Variants in ANXA8 observed in about 807,000 individuals in gnomAD.
The protein encoded by ANXA8 is VAC-beta.
Under a neutral mutation model 26.8 loss-of-function variants are expected in ANXA8, and 9 were observed. The ratio of observed to expected loss-of-function variants is 0.34; its 90% confidence interval spans 0.20 to 0.59. ANXA8 has a LOEUF of 0.59. Ranked by LOEUF, ANXA8 falls within the 20% of genes least tolerant of loss-of-function variation. The pLI, the probability that ANXA8 is intolerant of heterozygous loss-of-function variation, is 0.84. For missense variants in ANXA8, 83 were observed against 238.5 expected (o/e 0.35, Z 4.29); for synonymous variants, 39 against 94.8 (o/e 0.41, Z 3.42).
At chr10:47,743,009 A>C in the ANXA8 span, among the ~76,000 whole-genome samples, 1 of 143,180 alleles carries the variant, frequency 7.0e-6, no homozygotes, top group Non-Finnish European at 1.5e-5. Flanking sequence ...AAAAAAAAAA[A>C]AAATACAAAA....
At chr10:47,468,940 G>C in intron 11 of ANXA8, 34 bp from the exon 12 acceptor site, 6 of 1,607,972 alleles carry the variant, frequency 3.7e-6, no homozygotes, top group Non-Finnish European at 5.1e-6. Context: ...GTGAGAAGGG[G>C]TTTGCTTGTG....
chr10:47,743,317 T>TATATATAA, the ANXA8 span, among the ~76,000 whole-genome samples: 1 of 40,892 alleles, frequency 2.4e-5, no homozygotes, highest in African/African-American at 8.4e-5. Context: ...TATATACACA[T>TATATATAA]ATATATATAT....
the ANXA8 span, among the ~76,000 whole-genome samples, chr10:47,560,201 C>G: frequency 6.6e-6 from 1 of 151,824 alleles, no homozygotes; most frequent in Middle Eastern, 3.4e-3. Flanking sequence ...TTGAATGCTT[C>G]TGTTTGATTT....
the ANXA8 span, among the ~76,000 whole-genome samples, chr10:47,675,190 T>C: frequency 6.2e-5 from 9 of 145,134 alleles, no homozygotes; most frequent in Admixed American, 4.2e-4. Context: ...TCCACATATC[T>C]ATAAATATTT....
At chr10:47,650,622 T>C in the ANXA8 span, among the ~76,000 whole-genome samples, 19 of 143,998 alleles carry the variant, frequency 1.3e-4, no homozygotes, top group South Asian at 2.2e-4. Context: ...CTGGCTAACA[T>C]GGTGAAACCC....
the ANXA8 span, among the ~76,000 whole-genome samples, chr10:47,950,351 A>G: frequency 6.6e-6 from 1 of 152,220 alleles, no homozygotes; most frequent in Non-Finnish European, 1.5e-5. Flanking sequence ...GAAAAAATGA[A>G]TAAAGGGGAA....
the ANXA8 span, chr10:47,757,779 GGGGCCT>G: frequency 4.5e-6 from 1 of 220,586 alleles, no homozygotes; most frequent in East Asian, 1.5e-4. Context: ...CATGCTGCTT[GGGGCCT>G]GGGCCCTCCT....
At chr10:47,525,290 C>A in the ANXA8 span, among the ~76,000 whole-genome samples, 3 of 131,048 alleles carry the variant, frequency 2.3e-5, no homozygotes, top group African/African-American at 9.4e-5. Flanking sequence ...CCTGTAATCC[C>A]AGCTACTCAG....
At chr10:47,589,895 T>TAGGTAGA in the ANXA8 span, among the ~76,000 whole-genome samples, 1 of 128,574 alleles carries the variant, frequency 7.8e-6, no homozygotes, top group African/African-American at 4.1e-5. Context: ...AGGGGAAAGA[T>TAGGTAGA]AGATAGATGA....
the ANXA8 span, among the ~76,000 whole-genome samples, chr10:47,733,191 T>TTCTTTCTTTCTTTCTTTCTCTCTCTCTC: frequency 9.4e-6 from 1 of 106,472 alleles, no homozygotes; most frequent in Non-Finnish European, 2.1e-5. Flanking sequence ...CTTTCTTTCT[T>TTCTTTCTTTCTTTCTTTCTCTCTCTCTC]TCTTTCTTTC....
chr10:47,665,819 T>C, the ANXA8 span, among the ~76,000 whole-genome samples: 2 of 151,806 alleles, frequency 1.3e-5, no homozygotes, highest in South Asian at 4.1e-4. Context: ...ATTTCATAAT[T>C]TTATTTCTTT....
the ANXA8 span, among the ~76,000 whole-genome samples, chr10:47,495,289 A>ATTATTATTATTC: frequency 3.0e-5 from 3 of 100,564 alleles, no homozygotes; most frequent in African/African-American, 1.0e-4. Context: ...TATTATTATT[A>ATTATTATTATTC]TTATTATTAT....
At chr10:47,706,740 T>G in the ANXA8 span, 1 of 1,461,522 alleles carries the variant, frequency 6.8e-7, no homozygotes, top group Non-Finnish European at 9.4e-7. Flanking sequence ...AAGGCAAGTC[T>G]TCATGCTCGG....
At chr10:47,487,372 CCT>C (rs1410739548), upstream of ANXA8, 13 of 904,442 alleles carry the variant, frequency 1.4e-5, no homozygotes, top group Admixed American at 5.4e-5. Flanking sequence ...CTTTTTGTCC[CCT>C]GACTCCTGGG....
At chr10:47,671,939 A>T in the ANXA8 span, among the ~76,000 whole-genome samples, 255 of 151,360 alleles carry the variant, frequency 1.7e-3, 1 homozygote, top group African/African-American at 5.9e-3. Context: ...TAGTTTGTGC[A>T]TTAGGCCTCT....
At chr10:47,944,854 G>A in the ANXA8 span, among the ~76,000 whole-genome samples, 1 of 146,396 alleles carries the variant, frequency 6.8e-6, no homozygotes, top group Non-Finnish European at 1.5e-5. Context: ...TGACAGCCTG[G>A]GCCCCACCCA....
At chr10:47,689,737 T>G in the ANXA8 span, 2 of 1,555,800 alleles carry the variant, frequency 1.3e-6, 1 homozygote, top group Admixed American at 4.0e-5. Context: ...CCACATTTTT[T>G]GGGGTGCTCC....
chr10:47,948,832 C>T, the ANXA8 span, among the ~76,000 whole-genome samples: 1 of 151,662 alleles, frequency 6.6e-6, no homozygotes, highest in Non-Finnish European at 1.5e-5. Context: ...TTGCTAAATG[C>T]CAGTGGCTAA....
chr10:47,610,390 G>C, the ANXA8 span, among the ~76,000 whole-genome samples: 1 of 142,526 alleles, frequency 7.0e-6, no homozygotes, highest in Non-Finnish European at 1.5e-5. Context: ...TAGCGAGCTG[G>C]ACTATATAAA....
Sources: allele counts gnomAD v4.1 joint callset (sites outside exome capture counted in the v4.1 genomes callset), GRCh38; gene constraint gnomAD v4.1.1; transcripts MANE v1.5; gene names NCBI Gene and HGNC (gene_info 2026-07-23, HGNC 2026-07-21).